CHMP7: variants seen among roughly 807,000 people sequenced by gnomAD.
CHMP7 encodes the protein charged multivesicular body protein 7, also known as CHMP family, member 7.
Under a neutral mutation model 53.7 loss-of-function variants are expected in CHMP7, and 15 were observed. The observed-to-expected ratio is 0.28, with a 90% CI of 0.19 to 0.43. The LOEUF is 0.43. CHMP7 is among the 20% of genes least tolerant of loss of function. The pLI is 1.00. For missense variants in CHMP7, 527 were observed against 569.4 expected (o/e 0.93, Z 0.76); for synonymous variants, 261 against 228.0 (o/e 1.14, Z -1.30).
Position 23,260,129 on chromosome 8 carries a change from GT to G in CHMP7, c.1121-14del. The G allele has an allele frequency of 1.2e-6, 2 of 1,608,718 alleles. No homozygotes were observed. Among genetic ancestry groups the G allele is most frequent in the Non-Finnish European group, 1.7e-6 (2 of 1,175,182 alleles). On this transcript the variant is annotated splice_polypyrimidine_tract_variant and intron_variant, in intron 9 of 10. Coordinates refer to ENST00000397677, the MANE Select transcript of CHMP7 (RefSeq NM_152272.5). ...CCTTGAGTTTATGCATCTTTATGTT[GT>G]CTTTTCTTTCCAGATTTTGACAGTG...
intron 3 of CHMP7, among the ~76,000 whole-genome samples, chr8:23,252,125 T>C (rs570527987): frequency 1.3e-5 from 2 of 151,818 alleles, no homozygotes; most frequent in African/African-American, 4.8e-5. Context: ...TTCACCTATG[T>C]ACTAGCCATT....
In CHMP7 at chr8:23,246,478, G is replaced by A. The variant is rs1801685557; in HGVS notation, c.-218G>A. 5.3e-6 allele frequency: 3 copies of A among 563,514 alleles called. No homozygotes were observed. Among genetic ancestry groups the A allele is most frequent in the Non-Finnish European group, 9.4e-6 (3 of 319,488 alleles). 34.9% of individuals were successfully genotyped at this position (563,514 alleles called of 1,614,324 possible). On this transcript the variant is annotated 5_prime_UTR_variant, in exon 2 of 11. Transcript: ENST00000397677. Reference sequence around the variant, plus strand: ...GGAGGGGTCGGCGCAAGCGCTCGGTGTCTCTCTGAAAAGAACTTCATCATA... The same window carrying A: ...GGAGGGGTCGGCGCAAGCGCTCGGTATCTCTCTGAAAAGAACTTCATCATA...
In CHMP7 at chr8:23,246,523, G is replaced by C; in HGVS notation, c.-173G>C. The C allele has an allele frequency of 1.6e-6, 1 of 617,692 alleles. No homozygotes were observed. The highest frequency in any genetic ancestry group is 2.8e-6 in the Non-Finnish European group (1 of 354,326). 38.3% of individuals were successfully genotyped at this position (617,692 alleles called of 1,614,324 possible). ...ATCATACTGCCTCCTGGCTGACGGA[G>C]CGCAGCGCAACGCATGCGCCTTGAA... On this transcript the variant is annotated 5_prime_UTR_variant, in exon 2 of 11. Transcript: ENST00000397677.
At chr8:23,260,467 C>CT (rs2128861061) in intron 10 of CHMP7, 71 bp from the exon 11 acceptor site, 1 of 1,527,846 alleles carries the variant, frequency 6.5e-7, no homozygotes, top group African/African-American at 1.4e-5. Flanking sequence ...GACTCAGTCT[C>CT]TTAATCACTG....
chr8:23,260,677 C>T lies in CHMP7; in HGVS notation c.*78C>T. 8.9e-7 allele frequency: 1 copy of T among 1,119,882 alleles called. No individual in the cohort carries two copies. Among genetic ancestry groups the T allele is most frequent in the Non-Finnish European group, 1.4e-6 (1 of 731,706 alleles). 69.4% of individuals were successfully genotyped at this position (1,119,882 alleles called of 1,614,324 possible). ...TGTACATAGTTATTTAAACAAGAAA[C>T]TCTCAGAATGTGTTTGGAAGAGGAG... On this transcript the variant is annotated 3_prime_UTR_variant, in exon 11 of 11. Transcript: ENST00000397677.
At chr8:23,253,538 C>T (rs983116289) in intron 3 of CHMP7, among the ~76,000 whole-genome samples, 20 of 152,198 alleles carry the variant, frequency 1.3e-4, no homozygotes, top group Non-Finnish European at 2.4e-4. Context: ...CCACCCACCT[C>T]GGCCTCATAA....
intron 5 of CHMP7, among the ~76,000 whole-genome samples, chr8:23,257,526 C>T (rs753208556): frequency 2.0e-5 from 3 of 152,220 alleles, no homozygotes; most frequent in African/African-American, 7.2e-5. Flanking sequence ...GGGATACAGC[C>T]GTGGACAAGA....
intron 4 of CHMP7, 99 bp from the exon 5 acceptor site, chr8:23,256,361 G>A (rs190885564): frequency 3.8e-6 from 3 of 780,938 alleles, no homozygotes; most frequent in Non-Finnish European, 6.8e-6. Flanking sequence ...CATGGATAAG[G>A]GGGGCCTGCT....
At chr8:23,257,430 A>G (rs1802180116) in intron 5 of CHMP7, among the ~76,000 whole-genome samples, 1 of 152,112 alleles carries the variant, frequency 6.6e-6, no homozygotes, top group African/African-American at 2.4e-5. Context: ...CCCACAGACC[A>G]TGACTGTGAA....
At chr8:23,250,058 G>A (rs1390883502) in intron 3 of CHMP7, among the ~76,000 whole-genome samples, 2 of 152,178 alleles carry the variant, frequency 1.3e-5, no homozygotes, top group Non-Finnish European at 2.9e-5. Context: ...CCCTGCTGGA[G>A]AAAATCGCCT....
At chr8:23,244,525 A>G (rs1801621403) in intron 1 of CHMP7, among the ~76,000 whole-genome samples, 1 of 152,164 alleles carries the variant, frequency 6.6e-6, no homozygotes, top group African/African-American at 2.4e-5. Context: ...AACTAATACC[A>G]CACTATCTTG....
chr8:23,257,491 G>A (rs1410385822), intron 5 of CHMP7, among the ~76,000 whole-genome samples: 1 of 152,178 alleles, frequency 6.6e-6, no homozygotes, highest in Non-Finnish European at 1.5e-5. Flanking sequence ...AATATTTATT[G>A]AGCCAGGCAT....
Position 23,246,643 on chromosome 8 carries a change from A to T in CHMP7, c.-53A>T. On this transcript the variant is annotated 5_prime_UTR_variant, in exon 2 of 11. Coordinates refer to ENST00000397677, the MANE Select transcript of CHMP7 (RefSeq NM_152272.5). ...GGAAGCCGGGAGGGAACGAGGGCGG[A>T]AGCGGACCAGGGCCAGGCTTGTGTT... The T allele has an allele frequency of 2.0e-6, 3 of 1,470,234 alleles. No individual in the cohort carries two copies. Among genetic ancestry groups the T allele is most frequent in the Non-Finnish European group, 1.8e-6 (2 of 1,091,448 alleles). The allele number at this position is 1,470,234 out of a possible 1,614,324, so 91.1% of individuals were successfully genotyped here. A position where few individuals can be genotyped will look rare whatever the true frequency, so the allele number is the denominator to read the frequency against.
At chr8:23,248,595 A>G (rs1203501726) in intron 2 of CHMP7, among the ~76,000 whole-genome samples, 1 of 152,168 alleles carries the variant, frequency 6.6e-6, no homozygotes, top group East Asian at 1.9e-4. Flanking sequence ...AATGGTGATG[A>G]TAATTGTACC....
intron 5 of CHMP7, among the ~76,000 whole-genome samples, chr8:23,256,845 T>C (rs1802152224): frequency 7.3e-6 from 1 of 137,112 alleles, no homozygotes; most frequent in South Asian, 2.3e-4. Flanking sequence ...CGGGCTGGAG[T>C]GCAGTGGTGC....
intron 7 of CHMP7, 120 bp from the exon 8 acceptor site, chr8:23,258,612 G>T: frequency 2.5e-6 from 3 of 1,204,296 alleles, no homozygotes; most frequent in Admixed American, 1.9e-5. Flanking sequence ...TGGGTATAGG[G>T]TAAATTGAGC....
chr8:23,260,755 A>G lies in CHMP7; in HGVS notation c.*156A>G, dbSNP rs1802354104. ...TGCTACTACTTACTACAGGACAGAT[A>G]GAATTTCTGGAAGCGATGCTCCAAA... On this transcript the variant is annotated 3_prime_UTR_variant, in exon 11 of 11. Coordinates refer to ENST00000397677, the MANE Select transcript of CHMP7 (RefSeq NM_152272.5). The G allele has an allele frequency of 4.5e-6, 3 of 659,912 alleles. No individual in the cohort carries two copies. In the Admixed American group the frequency reaches 8.3e-5, roughly 18 times the overall value. The allele number at this position is 659,912 out of a possible 1,614,324, so 40.9% of individuals were successfully genotyped here. A position where few individuals can be genotyped will look rare whatever the true frequency, so the allele number is the denominator to read the frequency against.
At chr8:23,255,771 CT>C (rs56174372) in intron 4 of CHMP7, among the ~76,000 whole-genome samples, 182 of 132,970 alleles carry the variant, frequency 1.4e-3, no homozygotes, top group Middle Eastern at 8.0e-3. Context: ...CCTTATTGTA[CT>C]TTTTTTTTTT....
intron 3 of CHMP7, among the ~76,000 whole-genome samples, chr8:23,250,464 C>G (rs1262598597): frequency 1.3e-5 from 2 of 152,168 alleles, no homozygotes. Context: ...CCGATTGTCT[C>G]TTTTGTGGTA....
Sources: gnomAD v4.1 joint callset for allele counts (sites outside exome capture counted in the v4.1 genomes callset) on GRCh38, gnomAD v4.1.1 for gene constraint, MANE v1.5 for transcripts, NCBI Gene and HGNC (gene_info 2026-07-23, HGNC 2026-07-21) for gene names.